The following NUP62CL variants were observed in gnomAD, a reference collection of about 807,000 sequenced individuals.
NUP62CL encodes the protein nucleoporin-62 C-terminal-like protein.
In NUP62CL, 13 loss-of-function variants were observed where a neutral mutation model predicts 15.3. The ratio of observed to expected loss-of-function variants is 0.85; its 90% confidence interval spans 0.55 to 1.35. NUP62CL has a LOEUF of 1.35. Ranked by LOEUF, NUP62CL falls within the 40% of genes most tolerant of loss-of-function variation. The pLI is 0.00. For synonymous variants in NUP62CL, 54 were observed against 49.2 expected (o/e 1.10, Z -0.41); for missense variants, 123 against 130.6 (o/e 0.94, Z 0.28).
At chrX:107,187,616 T>C (rs1927099352) in intron 2 of NUP62CL, among the ~76,000 whole-genome samples, 1 of 112,395 alleles carries the variant, frequency 8.9e-6, no homozygotes, top group Non-Finnish European at 1.9e-5. Context: ...CAGGCTGGTC[T>C]TGAACGCCTG....
chrX:107,171,972 A>G (rs1034884794), intron 3 of NUP62CL, among the ~76,000 whole-genome samples: 1 of 109,941 alleles, frequency 9.1e-6, no homozygotes, highest in Admixed American at 9.8e-5. Context: ...CAAGTCTCAT[A>G]CATTGGCCAG....
intron 8 of NUP62CL, among the ~76,000 whole-genome samples, chrX:107,125,412 C>T (rs1254638227): frequency 3.6e-5 from 4 of 110,472 alleles, no homozygotes; most frequent in Admixed American, 1.9e-4. Context: ...GGGATTAGCA[C>T]CCCTAAACCC....
At chrX:107,205,066 G>C (rs749233761) in intron 1 of NUP62CL, among the ~76,000 whole-genome samples, 37 of 110,813 alleles carry the variant, frequency 3.3e-4, no homozygotes, top group African/African-American at 1.1e-3. Context: ...AATTATCAGA[G>C]TATATTGCAA....
At position 107,167,024 on chromosome X, in the gene NUP62CL, A is replaced by G. The variant is rs955569949; in HGVS notation, c.194+625T>C. Among the ~76,000 whole-genome samples the G allele has an allele frequency of 2.7e-5, 3 of 111,985 alleles. No homozygotes were observed. In the East Asian group the frequency reaches 8.3e-4, roughly 31 times the overall value. On this transcript the variant is annotated intron_variant, in intron 4 of 8. Coordinates refer to ENST00000372466, the MANE Select transcript of NUP62CL (RefSeq NM_017681.3). ...ATATCAATATCTTGGTTGTGATATT[A>G]TACTGTAGTACTGTTGAGATGTTAT...
At chrX:107,204,809 TTAAATAAATTATTTAAATAAATTTTAAA>T (rs1202937203) in intron 1 of NUP62CL, among the ~76,000 whole-genome samples, 1 of 85,905 alleles carries the variant, frequency 1.2e-5, no homozygotes, top group African/African-American at 5.5e-5. Context: ...TAAATAAATT[TTAAATAAATTATTTAAATAAATTTTAAA>T]TAAATTATTT....
rs1198723260 is a variant in NUP62CL, at chrX:107,167,753, G to A, written c.90C>T (p.Phe30=). ...FTTSTTTTAT[F]TTNTTTTITS... ...TGATTGTGGTAGTAGTGTTGGTGGT[G>A]AAAGTGGCGGTGGTAGTCGTTGAAG... Residue 30 remains phenylalanine (F), a synonymous_variant, in exon 4 of 9, where the codon TTC becomes TTT. Coordinates refer to ENST00000372466, the MANE Select transcript of NUP62CL (RefSeq NM_017681.3). The A allele has an allele frequency of 3.4e-6, 4 of 1,190,607 alleles. No individual in the cohort carries two copies. The highest frequency in any genetic ancestry group is 3.0e-5 in the East Asian group (1 of 33,702).
chrX:107,184,791 A>G (rs2052079025), intron 2 of NUP62CL, among the ~76,000 whole-genome samples: 1 of 111,691 alleles, frequency 9.0e-6, no homozygotes, highest in South Asian at 3.7e-4. Context: ...AAGACACATA[A>G]TAATTAAACT....
intron 1 of NUP62CL, among the ~76,000 whole-genome samples, chrX:107,201,182 T>C (rs571274062): frequency 7.1e-5 from 8 of 112,036 alleles, no homozygotes; most frequent in African/African-American, 2.6e-4. Flanking sequence ...AATTTTTAGT[T>C]TTTTAATTGT....
chrX:107,186,823 G>A (rs191767711), intron 2 of NUP62CL, among the ~76,000 whole-genome samples: 25 of 111,414 alleles, frequency 2.2e-4, no homozygotes, highest in African/African-American at 8.1e-4. Flanking sequence ...GCTTGAATGC[G>A]GGAGGCGGAA....
At chrX:107,151,499 G>A (rs1482189185) in intron 7 of NUP62CL, among the ~76,000 whole-genome samples, 1 of 99,177 alleles carries the variant, frequency 1.0e-5, no homozygotes, top group African/African-American at 4.0e-5. Context: ...CTAAATTCTC[G>A]AGATTTCCAC....
intron 8 of NUP62CL, among the ~76,000 whole-genome samples, chrX:107,134,518 G>C (rs993642962): frequency 9.0e-6 from 1 of 111,649 alleles, no homozygotes; most frequent in African/African-American, 3.3e-5. Context: ...CAGTGGCGCA[G>C]TCTGGGCTCA....
intron 4 of NUP62CL, among the ~76,000 whole-genome samples, chrX:107,164,385 G>A (rs1402460253): frequency 9.0e-6 from 1 of 110,889 alleles, no homozygotes; most frequent in African/African-American, 3.3e-5. Context: ...AAATGTGTAC[G>A]TTAAAAAATA....
intron 3 of NUP62CL, among the ~76,000 whole-genome samples, chrX:107,168,516 T>C (rs1177395376): frequency 8.9e-6 from 1 of 112,017 alleles, no homozygotes; most frequent in Non-Finnish European, 1.9e-5. Flanking sequence ...AATTCTTTGT[T>C]CCCCATATTT....
intron 8 of NUP62CL, among the ~76,000 whole-genome samples, chrX:107,126,197 A>C (rs1925381084): frequency 8.9e-6 from 1 of 112,539 alleles, no homozygotes. Context: ...AGACCTGTAC[A>C]CTGACAACAA....
intron 1 of NUP62CL, among the ~76,000 whole-genome samples, chrX:107,198,555 C>G (rs192150898): frequency 2.6e-4 from 29 of 111,865 alleles, no homozygotes; most frequent in African/African-American, 7.5e-4. Flanking sequence ...AGTGAGACCA[C>G]GAACCCATCG....
In NUP62CL at chrX:107,153,184, T is replaced by G; in HGVS notation, c.518A>C (p.Glu173Ala). The change falls in exon 7 of 9, where the codon GAG (glutamate) becomes GCG (alanine). Residue 173 changes from glutamate to alanine, a missense_variant. Transcript: ENST00000372466. ...GLHYLQDADE[E>A]HVEISTRSAE... The stretch of plus-strand genomic sequence containing the variant: ...TTCAGTTACTTACATCTCCACATGC[T>G]CCTCATCTGCATCCTGCAGATAATG... 2 of 1,204,294 alleles carry G rather than the reference T, an allele frequency of 1.7e-6. No individual in the cohort carries two copies. Among genetic ancestry groups the G allele is most frequent in the Non-Finnish European group, 2.2e-6 (2 of 893,193 alleles).
intron 8 of NUP62CL, among the ~76,000 whole-genome samples, chrX:107,124,655 A>G (rs1405226262): frequency 9.0e-6 from 1 of 111,095 alleles, no homozygotes; most frequent in African/African-American, 3.3e-5. Flanking sequence ...GGTAGTCATT[A>G]AATTGGGAGT....
At chrX:107,183,965 G>A (rs759255255) in intron 2 of NUP62CL, among the ~76,000 whole-genome samples, 2 of 110,167 alleles carry the variant, frequency 1.8e-5, no homozygotes, top group Admixed American at 2.0e-4. Context: ...AACCATGTCG[G>A]GGGCAGGAAT....
At position 107,176,041 on chromosome X, in the gene NUP62CL, G is replaced by A. The variant is rs749673463; in HGVS notation, c.-47-848C>T. Among the ~76,000 whole-genome samples the A allele has an allele frequency of 9.0e-5, 10 of 111,479 alleles. No homozygotes were observed. In the East Asian group the frequency reaches 2.8e-3, roughly 31 times the overall value. ...GAAGAGGTAAGCAAGAAGACCAGTG[G>A]CTACTGCTACTGCTCAGTACCCAAA... is the stretch of plus-strand genomic sequence containing the variant. On this transcript the variant is annotated intron_variant, in intron 2 of 8. Transcript: ENST00000372466.
Sources: gnomAD v4.1 joint callset for allele counts (sites outside exome capture counted in the v4.1 genomes callset) on GRCh38, gnomAD v4.1.1 for gene constraint, MANE v1.5 for transcripts, NCBI Gene and HGNC (gene_info 2026-07-23, HGNC 2026-07-21) for gene names.